Variants in ARHGEF28 observed in about 807,000 individuals in gnomAD.
ARHGEF28 encodes the protein Rho guanine nucleotide exchange factor 28, also known as 190 kDa guanine nucleotide exchange factor.
A neutral mutation model predicts 206.6 loss-of-function variants in ARHGEF28; 152 were observed. The observed-to-expected ratio is 0.74, with a 90% CI of 0.64 to 0.84. ARHGEF28 has a LOEUF of 0.84. Among genes scored for constraint, ARHGEF28 ranks in the 40% least tolerant of loss-of-function variants. The pLI, the probability that ARHGEF28 is intolerant of heterozygous loss-of-function variation, is 0.00. For synonymous variants in ARHGEF28, 763 were observed against 776.4 expected, an observed-to-expected ratio of 0.98 and a Z score of 0.29; for missense variants, 2,028 against 2,073.2, an observed-to-expected ratio of 0.98 and a Z score of 0.42.
intron 4 of ARHGEF28, among the ~76,000 whole-genome samples, chr5:73,758,409 C>T (rs374204189): frequency 1.2e-4 from 19 of 152,290 alleles, no homozygotes; most frequent in South Asian, 1.0e-3. Flanking sequence ...TTTTCAAAAA[C>T]GAACTTGGAC....
intron 26 of ARHGEF28, among the ~76,000 whole-genome samples, chr5:73,889,194 C>G (rs72772582): frequency 0.036 from 5,554 of 152,306 alleles, 173 homozygotes; most frequent in Non-Finnish European, 0.052. Context: ...AAGTTTTCCT[C>G]AAGCTAGTAC....
At chr5:73,830,638 A>G (rs1757240033) in intron 9 of ARHGEF28, among the ~76,000 whole-genome samples, 1 of 152,068 alleles carries the variant, frequency 6.6e-6, no homozygotes, top group Admixed American at 6.6e-5. Flanking sequence ...CTCACACTTC[A>G]GTGTTCTGTG....
At chr5:73,728,477 A>G (rs142769358) in intron 2 of ARHGEF28, among the ~76,000 whole-genome samples, 190 of 152,352 alleles carry the variant, frequency 1.2e-3, no homozygotes, top group East Asian at 9.1e-3. Flanking sequence ...GGTTTAAATT[A>G]TGAAATATTG....
chr5:73,930,563 T>C (rs1764053966), intron 35 of ARHGEF28, among the ~76,000 whole-genome samples: 1 of 152,234 alleles, frequency 6.6e-6, no homozygotes, highest in African/African-American at 2.4e-5. Context: ...ACGTGAACAC[T>C]TTAAGATTCG....
In ARHGEF28 at chr5:73,776,521, A is replaced by G. The variant is rs1469494781; in HGVS notation, c.665A>G (p.Gln222Arg). 1 of 1,609,424 alleles carries G rather than the reference A, an allele frequency of 6.2e-7. No individual in the cohort carries two copies. Among genetic ancestry groups the G allele is most frequent in the South Asian group, 1.1e-5 (1 of 90,334 alleles). The change falls in exon 6 of 36, where the codon CAG becomes CGG. Residue 222 changes from glutamine to arginine, a missense_variant. Coordinates refer to ENST00000513042, the MANE Select transcript of ARHGEF28 (RefSeq NM_001177693.2). ...SKLVEDVTNF[Q>R]GRWSPSFSRV... ...TTTGATTTGTGTTGTTTCAGTTTTC[A>G]GGGCAGATGGTCCCCAAGCTTCTCC...
intron 35 of ARHGEF28, among the ~76,000 whole-genome samples, chr5:73,934,953 T>C (rs1764336803): frequency 6.6e-6 from 1 of 152,224 alleles, no homozygotes; most frequent in Non-Finnish European, 1.5e-5. Flanking sequence ...GCTTGTGATG[T>C]GAAGGCCATG....
At chr5:73,894,253 C>G (rs1192748277) in intron 28 of ARHGEF28, 140 bp from the exon 29 acceptor site, 4 of 768,906 alleles carry the variant, frequency 5.2e-6, no homozygotes, top group Non-Finnish European at 8.3e-6. Flanking sequence ...CTGAGACCTG[C>G]ATCTGCCCCA....
At chr5:73,769,980 A>G (rs1002684517) in intron 4 of ARHGEF28, among the ~76,000 whole-genome samples, 4 of 152,178 alleles carry the variant, frequency 2.6e-5, no homozygotes, top group African/African-American at 9.7e-5. Context: ...ATTAGCCTAC[A>G]TTTGAGAGGT....
At chr5:73,845,980 C>A (rs1758312279) in intron 11 of ARHGEF28, among the ~76,000 whole-genome samples, 1 of 21,760 alleles carries the variant, frequency 4.6e-5, no homozygotes, top group Non-Finnish European at 1.0e-4. Flanking sequence ...AAGAACAAAA[C>A]TGTCTCAAAA....
chr5:73,672,466 A>T (rs1039966649), intron 1 of ARHGEF28, among the ~76,000 whole-genome samples: 1 of 152,180 alleles, frequency 6.6e-6, no homozygotes, highest in Admixed American at 6.5e-5. Flanking sequence ...GATGTAGATC[A>T]TATTATCCCA....
chr5:73,848,138 TCC>T (rs1758479644), intron 12 of ARHGEF28, among the ~76,000 whole-genome samples: 2 of 152,340 alleles, frequency 1.3e-5, no homozygotes, highest in East Asian at 3.9e-4. Context: ...GCAGGATCAG[TCC>T]TAAGGGCTTT....
Position 73,914,662 on chromosome 5 carries a change from G to T in ARHGEF28, c.4948+3087G>T, listed in dbSNP as rs576946281. Reference sequence around the variant, plus strand: ...TCCACTGGCCTTGGCCTCCCAAAGTGTTGGGATTACAGGCTTAAGGCACCA... The same window carrying T: ...TCCACTGGCCTTGGCCTCCCAAAGTTTTGGGATTACAGGCTTAAGGCACCA... On this transcript the variant is annotated intron_variant, in intron 35 of 35. Coordinates refer to ENST00000513042, the MANE Select transcript of ARHGEF28 (RefSeq NM_001177693.2). Among the ~76,000 whole-genome samples the T allele has an allele frequency of 1.2e-4, 18 of 152,180 alleles. No homozygotes were observed. In the East Asian group the frequency reaches 3.3e-3, roughly 28 times the overall value.
At chr5:73,694,160 C>T (rs148748685) in intron 2 of ARHGEF28, among the ~76,000 whole-genome samples, 146 of 152,324 alleles carry the variant, frequency 9.6e-4, no homozygotes, top group African/African-American at 3.5e-3. Context: ...GTTCCCTCTT[C>T]TCTCAATACA....
At chr5:73,718,716 T>A (rs796748289) in intron 2 of ARHGEF28, among the ~76,000 whole-genome samples, 3 of 152,314 alleles carry the variant, frequency 2.0e-5, no homozygotes, top group African/African-American at 7.2e-5. Flanking sequence ...GCCCATGGCC[T>A]AGGATGTCAC....
In ARHGEF28 at chr5:73,801,351, G is replaced by A. The variant is rs538482644; in HGVS notation, c.1024+5960G>A. 3.3e-5 allele frequency among the ~76,000 whole-genome samples: 5 copies of A among 152,258 alleles called. No individual in the cohort carries two copies. The South Asian group carries it at 8.3e-4, about 25-fold the overall frequency. On this transcript the variant is annotated intron_variant, in intron 9 of 35. Transcript: ENST00000513042. ...AATCCCAGCTACTTGGGAGGCTGAG[G>A]CAGGAGAATGGCGTGAACCCGGGAG...
intron 2 of ARHGEF28, among the ~76,000 whole-genome samples, chr5:73,745,231 G>A (rs991475259): frequency 1.3e-5 from 2 of 151,874 alleles, no homozygotes; most frequent in Non-Finnish European, 2.9e-5. Context: ...AGAAAGGGAG[G>A]AAGGGAGAGA....
At chr5:73,819,398 T>C (rs1323033722) in intron 9 of ARHGEF28, among the ~76,000 whole-genome samples, 4 of 152,214 alleles carry the variant, frequency 2.6e-5, no homozygotes, top group Non-Finnish European at 4.4e-5. Context: ...CAGACTAGGC[T>C]GATCACAGCA....
chr5:73,642,717 C>T (rs183419634), intron 1 of ARHGEF28, among the ~76,000 whole-genome samples: 2 of 152,144 alleles, frequency 1.3e-5, no homozygotes, highest in East Asian at 3.9e-4. Flanking sequence ...CTCCTCTGCT[C>T]TCACTCCCAG....
At chr5:73,729,024 C>T (rs1750448096) in intron 2 of ARHGEF28, among the ~76,000 whole-genome samples, 1 of 152,084 alleles carries the variant, frequency 6.6e-6, no homozygotes, top group Non-Finnish European at 1.5e-5. Flanking sequence ...AGGGACTGAC[C>T]CACAGTTGTG....
Sources: gnomAD v4.1 joint callset for allele counts (sites outside exome capture counted in the v4.1 genomes callset) on GRCh38, gnomAD v4.1.1 for gene constraint, MANE v1.5 for transcripts, NCBI Gene and HGNC (gene_info 2026-07-23, HGNC 2026-07-21) for gene names.